ANK1: variants seen among roughly 807,000 people sequenced by gnomAD.
The protein encoded by ANK1 is ankyrin 1, also known as ankyrin-1.
Under a neutral mutation model 210.4 loss-of-function variants are expected in ANK1, and 51 were observed. That is an observed-to-expected ratio of 0.24 (90% CI 0.19 to 0.31). ANK1 has a LOEUF of 0.31. ANK1 is among the 10% of genes least tolerant of loss of function. The pLI, the probability that ANK1 is intolerant of heterozygous loss-of-function variation, is 1.00. For missense variants in ANK1, 2,051 were observed against 2,504.4 expected (o/e 0.82, Z 3.86); for synonymous variants, 967 against 1,025.9 (o/e 0.94, Z 1.10).
chr8:41,687,496 C>T (rs1367535073), intron 35 of ANK1, among the ~76,000 whole-genome samples: 1 of 152,224 alleles, frequency 6.6e-6, no homozygotes, highest in Non-Finnish European at 1.5e-5. Flanking sequence ...ATGACTCCAC[C>T]CTGCACTCTC....
chr8:41,852,061 T>A (rs1811354381), intron 1 of ANK1, among the ~76,000 whole-genome samples: 1 of 152,082 alleles, frequency 6.6e-6, no homozygotes, highest in African/African-American at 2.4e-5. Context: ...GGAAGAAAAG[T>A]AGTATGTTAA....
At chr8:41,864,116 G>A (rs556687551) in intron 1 of ANK1, among the ~76,000 whole-genome samples, 75 of 152,130 alleles carry the variant, frequency 4.9e-4, no homozygotes, top group African/African-American at 1.7e-3. Context: ...CAGGCATGGC[G>A]GCAGGTGCCT....
chr8:41,796,461 G>T (rs1848744983), intron 1 of ANK1, among the ~76,000 whole-genome samples: 1 of 150,708 alleles, frequency 6.6e-6, no homozygotes, highest in African/African-American at 2.4e-5. Context: ...AGAGGAAAAA[G>T]ACTCTACCAA....
At chr8:41,661,776 C>A in intron 41 of ANK1, 100 bp downstream of exon 41, 1 of 1,612,780 alleles carries the variant, frequency 6.2e-7, no homozygotes, top group Non-Finnish European at 8.5e-7. Context: ...CGCTGGGTCC[C>A]CCAGGGCCGC....
chr8:41,776,460 T>G (rs1377819393), intron 1 of ANK1, among the ~76,000 whole-genome samples: 1 of 152,012 alleles, frequency 6.6e-6, no homozygotes, highest in Non-Finnish European at 1.5e-5. Context: ...AACAGTAACA[T>G]CGTCATGTAA....
chr8:41,727,461 C>T (rs1831000753), intron 4 of ANK1, 113 bp from the exon 5 acceptor site: 2 of 783,494 alleles, frequency 2.6e-6, no homozygotes, highest in East Asian at 2.6e-5. Context: ...CATTTCCTCC[C>T]ACCTGACCCC....
intron 3 of ANK1, among the ~76,000 whole-genome samples, chr8:41,733,661 C>G (rs1189728696): frequency 6.6e-6 from 1 of 152,190 alleles, no homozygotes; most frequent in Non-Finnish European, 1.5e-5. Context: ...CTCCAGGCAC[C>G]TGATTGGCGC....
chr8:41,699,388 C>T (rs960746335), intron 23 of ANK1, 64 bp downstream of exon 23: 12 of 1,477,792 alleles, frequency 8.1e-6, no homozygotes, highest in Admixed American at 1.7e-5. Context: ...CTCTGGAATC[C>T]CTGCTCTGAG....
At chr8:41,690,398 G>A (rs375927340) in intron 32 of ANK1, 52 bp from the exon 33 acceptor site, 14 of 1,614,088 alleles carry the variant, frequency 8.7e-6, no homozygotes, top group East Asian at 6.7e-5. Context: ...TAGGCCACCC[G>A]GCTGTCTGGT....
chr8:41,710,562 C>A (rs1825847203), intron 16 of ANK1, among the ~76,000 whole-genome samples: 1 of 152,212 alleles, frequency 6.6e-6, no homozygotes, highest in Non-Finnish European at 1.5e-5. Context: ...CAATGCTAGT[C>A]CAGGGATCAC....
At chr8:41,837,128 G>T (rs1807905593) in intron 1 of ANK1, among the ~76,000 whole-genome samples, 1 of 152,100 alleles carries the variant, frequency 6.6e-6, no homozygotes, top group African/African-American at 2.4e-5. Flanking sequence ...TTCCTTAACT[G>T]GTAAAATGGA....
At chr8:41,669,657 C>T (rs1050687233) in intron 38 of ANK1, among the ~76,000 whole-genome samples, 1 of 152,130 alleles carries the variant, frequency 6.6e-6, no homozygotes, top group African/African-American at 2.4e-5. Flanking sequence ...CCTCCTTGAC[C>T]CCTCTCTTCC....
intron 16 of ANK1, among the ~76,000 whole-genome samples, chr8:41,710,323 C>G (rs992270461): frequency 2.0e-5 from 3 of 152,226 alleles, no homozygotes; most frequent in Admixed American, 6.5e-5. Context: ...GGCCAATTCT[C>G]TGTAAGGTTA....
intron 39 of ANK1, among the ~76,000 whole-genome samples, 155 bp downstream of exon 39, chr8:41,668,112 C>T (rs1236920236): frequency 6.6e-6 from 1 of 152,226 alleles, no homozygotes; most frequent in East Asian, 1.9e-4. Context: ...AGGCCTTGCC[C>T]TTGACTTCTA....
At chr8:41,869,675 C>A (rs1348699960) in intron 1 of ANK1, among the ~76,000 whole-genome samples, 1 of 152,164 alleles carries the variant, frequency 6.6e-6, no homozygotes, top group Non-Finnish European at 1.5e-5. Flanking sequence ...GTAGGAAAAG[C>A]ACACTGTGAG....
Position 41,725,829 on chromosome 8 carries a change from G to C in ANK1, c.544C>G (p.Arg182Gly), listed in dbSNP as rs753189908. The change falls in exon 6 of 43, where the codon CGC becomes GGC. Residue 182 changes from arginine (R) to glycine (G), a missense_variant. This residue lies in a region of ANK1 where 1,413 missense variants were observed against 1,707.4 expected (regional missense o/e 0.83). Coordinates refer to ENST00000289734, the MANE Select transcript of ANK1 (RefSeq NM_000037.4). Reference sequence around the variant, plus strand: ...GCAGCCGTGCGCGTGTCGTCGTTGCGGGCCGCGATGTGCAGGGCCGGGAGG... The same window carrying C: ...GCAGCCGTGCGCGTGTCGTCGTTGCCGGCCGCGATGTGCAGGGCCGGGAGG... Reference protein sequence around the residue: ...VRLPALHIAARNDDTRTAAVL... With the variant: ...VRLPALHIAAGNDDTRTAAVL... The C allele has an allele frequency of 1.2e-6, 2 of 1,611,892 alleles. No individual in the cohort carries two copies. Among genetic ancestry groups the C allele is most frequent in the Non-Finnish European group, 1.7e-6 (2 of 1,179,660 alleles).
rs528874450 is a variant in ANK1 at position 41,793,705 on chromosome 8, C to T, written c.27+3807G>A. Among the ~76,000 whole-genome samples, 8 of 152,318 alleles carry T rather than the reference C, an allele frequency of 5.3e-5. No individual in the cohort carries two copies. The South Asian group carries it at 8.3e-4, about 16-fold the overall frequency. On this transcript the variant is annotated intron_variant, in intron 1 of 42. Transcript: ENST00000289734. Reference sequence around the variant, plus strand: ...CAGCTCATGCTCCAGAACCTTGTTCCGCTTTATCCATGCCAAGGTCCCAAG... The same window carrying T: ...CAGCTCATGCTCCAGAACCTTGTTCTGCTTTATCCATGCCAAGGTCCCAAG...
intron 1 of ANK1, among the ~76,000 whole-genome samples, chr8:41,877,703 G>A (rs756736397): frequency 2.0e-5 from 3 of 152,244 alleles, no homozygotes; most frequent in Non-Finnish European, 2.9e-5. Flanking sequence ...GATAGAGCAG[G>A]TGGGTGGGAG....
chr8:41,815,577 A>C (rs1179203074), intron 1 of ANK1, among the ~76,000 whole-genome samples: 1 of 152,088 alleles, frequency 6.6e-6, no homozygotes, highest in African/African-American at 2.4e-5. Context: ...AAACTAGACA[A>C]AGTTATTTTC....
Sources: gnomAD v4.1 joint callset for allele counts (sites outside exome capture counted in the v4.1 genomes callset) on GRCh38, gnomAD v4.1.1 for gene constraint, gnomAD v4.1.1 regional missense constraint, MANE v1.5 for transcripts, NCBI Gene and HGNC (gene_info 2026-07-23, HGNC 2026-07-21) for gene names.